CTNNBL1: variants seen among roughly 807,000 people sequenced by gnomAD.
CTNNBL1 encodes catenin beta like 1, also known as beta-catenin-like protein 1.
Under a neutral mutation model 72.7 loss-of-function variants are expected in CTNNBL1, and 31 were observed. That is an observed-to-expected ratio of 0.43 (90% CI 0.32 to 0.58). The LOEUF is 0.58. Ranked by LOEUF, CTNNBL1 falls within the 20% of genes least tolerant of loss-of-function variation. The probability of loss-of-function intolerance (pLI) is 0.08; values close to 1 mark genes in which losing one functional copy is unlikely to be tolerated. For synonymous variants in CTNNBL1, 240 were observed against 267.3 expected, an observed-to-expected ratio of 0.90 and a Z score of 1.00; for missense variants, 534 against 725.1, an observed-to-expected ratio of 0.74 and a Z score of 3.03.
At chr20:37,740,176 G>A (rs147805704) in intron 3 of CTNNBL1, among the ~76,000 whole-genome samples, 206 of 152,192 alleles carry the variant, frequency 1.4e-3, no homozygotes, top group African/African-American at 4.8e-3. Context: ...TATGAAAATT[G>A]AAATTGTGCA....
chr20:37,870,913 C>CTTTCCACA (rs1486985422), intron 15 of CTNNBL1, among the ~76,000 whole-genome samples: 3 of 152,182 alleles, frequency 2.0e-5, no homozygotes, highest in Non-Finnish European at 4.4e-5. Context: ...GCTCCTAGAC[C>CTTTCCACA]TTTCCACACT....
At chr20:37,842,113 G>T (rs909221922) in intron 12 of CTNNBL1, 11 of 463,544 alleles carry the variant, frequency 2.4e-5, no homozygotes, top group African/African-American at 2.2e-4. Context: ...TCGGGAATGG[G>T]CCTGGTTCAA....
chr20:37,706,794 G>A (rs1036674531), intron 1 of CTNNBL1, among the ~76,000 whole-genome samples: 1 of 152,158 alleles, frequency 6.6e-6, no homozygotes, highest in African/African-American at 2.4e-5. Flanking sequence ...TCCATCAGAA[G>A]AATCACTATC....
Position 37,859,949 on chromosome 20 carries a change from C to G in CTNNBL1, c.1443C>G (p.Phe481Leu), listed in dbSNP as rs1211371435. ...EIIDNDTEEE[F>L]YLRRLDAGLF... ...TCGACAATGACACCGAGGAGGAGTT[C>G]TACCTCCGGCGCCTGGATGCGGGGC... The change falls in exon 14 of 16, where the codon TTC becomes TTG. Residue 481 changes from phenylalanine (F) to leucine (L), a missense_variant. Coordinates refer to ENST00000361383, the MANE Select transcript of CTNNBL1 (RefSeq NM_030877.5). 1 of 1,614,168 alleles carries G rather than the reference C, an allele frequency of 6.2e-7. No individual in the cohort carries two copies. Among genetic ancestry groups the G allele is most frequent in the Non-Finnish European group, 8.5e-7 (1 of 1,180,002 alleles).
intron 10 of CTNNBL1, among the ~76,000 whole-genome samples, chr20:37,784,336 G>A (rs992555870): frequency 5.3e-5 from 8 of 151,820 alleles, no homozygotes; most frequent in African/African-American, 9.7e-5. Flanking sequence ...GGAGAGTTTC[G>A]TCCATTTATA....
chr20:37,766,681 A>G (rs2073471798), intron 6 of CTNNBL1, among the ~76,000 whole-genome samples: 1 of 152,100 alleles, frequency 6.6e-6, no homozygotes, highest in Non-Finnish European at 1.5e-5. Context: ...TGAGGGGAGT[A>G]TCATTTGCAA....
At chr20:37,834,043 T>C (rs904663352) in intron 11 of CTNNBL1, among the ~76,000 whole-genome samples, 1 of 152,212 alleles carries the variant, frequency 6.6e-6, no homozygotes, top group Non-Finnish European at 1.5e-5. Context: ...CCCAAATAGG[T>C]AAATATCATT....
At chr20:37,772,793 T>G (rs916447637) in intron 7 of CTNNBL1, among the ~76,000 whole-genome samples, 1 of 152,162 alleles carries the variant, frequency 6.6e-6, no homozygotes, top group Non-Finnish European at 1.5e-5. Context: ...AATCCTTGAG[T>G]GATTCTTAAG....
At chr20:37,814,686 A>G (rs1379600224) in intron 11 of CTNNBL1, among the ~76,000 whole-genome samples, 1 of 152,192 alleles carries the variant, frequency 6.6e-6, no homozygotes, top group Non-Finnish European at 1.5e-5. Context: ...GGCTCCAAGC[A>G]TCTATATTTT....
At chr20:37,738,753 T>C (rs141917324) in intron 3 of CTNNBL1, among the ~76,000 whole-genome samples, 1 of 152,138 alleles carries the variant, frequency 6.6e-6, no homozygotes, top group African/African-American at 2.4e-5. Context: ...ACAGAAAAGA[T>C]AGTAGTTGAG....
intron 13 of CTNNBL1, among the ~76,000 whole-genome samples, chr20:37,858,392 A>C (rs1044108143): frequency 1.3e-5 from 2 of 152,226 alleles, no homozygotes; most frequent in Non-Finnish European, 2.9e-5. Context: ...GTCATGTTGC[A>C]GAGTGGTTTG....
chr20:37,856,597 A>G (rs560487595), intron 13 of CTNNBL1, among the ~76,000 whole-genome samples: 23 of 152,052 alleles, frequency 1.5e-4, no homozygotes, highest in Admixed American at 9.8e-4. Flanking sequence ...TGGCCAACAC[A>G]AGTCGTTTCT....
chr20:37,781,917 G>T (rs950637293), intron 10 of CTNNBL1, among the ~76,000 whole-genome samples: 1 of 152,194 alleles, frequency 6.6e-6, no homozygotes, highest in Non-Finnish European at 1.5e-5. Context: ...CCTGGGACTT[G>T]TAAGTGTGGG....
chr20:37,696,592 C>T (rs529051370), intron 1 of CTNNBL1, among the ~76,000 whole-genome samples: 8 of 115,122 alleles, frequency 6.9e-5, no homozygotes, highest in South Asian at 3.6e-4. Flanking sequence ...TACGGGCATG[C>T]GCCACCACGC....
chr20:37,862,182 T>C (rs1474084658), intron 15 of CTNNBL1, among the ~76,000 whole-genome samples: 1 of 152,160 alleles, frequency 6.6e-6, no homozygotes, highest in African/African-American at 2.4e-5. Flanking sequence ...TCATTCTCAG[T>C]GTCAGATTCG....
At chr20:37,779,430 G>C (rs1164916837) in intron 10 of CTNNBL1, 95 bp downstream of exon 10, 1 of 1,434,826 alleles carries the variant, frequency 7.0e-7, no homozygotes, top group Admixed American at 1.9e-5. Flanking sequence ...CATTTATTCT[G>C]TTGGGTTTCC....
chr20:37,842,158 C>T lies in CTNNBL1; in HGVS notation c.1312-181C>T, dbSNP rs938062898. On this transcript the variant is annotated intron_variant, in intron 12 of 15. Transcript: ENST00000361383. ...ATCCTAAGTGTTTGCTTTGTTCTGC[C>T]CCAGCCCTTTGATCCATTCCTGATG... 9.1e-5 allele frequency: 54 copies of T among 591,216 alleles called. No individual in the cohort carries two copies. The South Asian group carries it at 1.1e-3, about 12-fold the overall frequency. The allele number at this position is 591,216 out of a possible 1,614,324, so 36.6% of individuals were successfully genotyped here.
chr20:37,823,909 A>C (rs1055326694), intron 11 of CTNNBL1, among the ~76,000 whole-genome samples: 1 of 152,230 alleles, frequency 6.6e-6, no homozygotes, highest in African/African-American at 2.4e-5. Flanking sequence ...GTGAGAAGAC[A>C]GTGAGCAAAC....
Position 37,871,920 on chromosome 20 carries a change from C to T in CTNNBL1, c.1604-5C>T, listed in dbSNP as rs774422410. On this transcript the variant is annotated splice_region_variant and splice_polypyrimidine_tract_variant and intron_variant, in intron 15 of 15. Transcript: ENST00000361383. ...CCACTCCTGACTCTATCTTTGTCCC[C>T]CTAGAGTATGCAGAGAACATCGGGG... 4 of 1,613,108 alleles carry T rather than the reference C, an allele frequency of 2.5e-6. No homozygotes were observed. In the Admixed American group the frequency reaches 5.0e-5, roughly 20 times the overall value.
Sources: allele counts gnomAD v4.1 joint callset (sites outside exome capture counted in the v4.1 genomes callset), GRCh38; gene constraint gnomAD v4.1.1; transcripts MANE v1.5; gene names NCBI Gene and HGNC (gene_info 2026-07-23, HGNC 2026-07-21).